The following SLC30A8 variants were observed in gnomAD, a reference collection of about 807,000 sequenced individuals.
SLC30A8 encodes the protein solute carrier family 30 member 8, also known as proton-coupled zinc antiporter SLC30A8.
A neutral mutation model predicts 36.9 loss-of-function variants in SLC30A8; 27 were observed. The ratio of observed to expected loss-of-function variants is 0.73; its 90% CI spans 0.54 to 1.01. The LOEUF (loss-of-function observed/expected upper bound fraction) is 1.01, where lower values mean the gene tolerates loss of function less well. SLC30A8 is among the 50% of genes least tolerant of loss of function. The probability of loss-of-function intolerance (pLI) is 0.00; values close to 1 mark genes in which losing one functional copy is unlikely to be tolerated. For missense variants in SLC30A8, 439 were observed against 452.0 expected, an observed-to-expected ratio of 0.97 and a Z score of 0.26; for synonymous variants, 164 against 172.4, an observed-to-expected ratio of 0.95 and a Z score of 0.38.
In SLC30A8 at chr8:116,971,213, G is replaced by A. The variant is rs191676640; in HGVS notation, c.-266+20094G>A. On this transcript the variant is annotated intron_variant, in intron 1 of 10. Transcript: ENST00000427715. Reference sequence around the variant, plus strand: ...TAGGTGCAGCAAACCACCATGGCACGTGTTTACCTATGTAGCAAACCTACA... The same window carrying A: ...TAGGTGCAGCAAACCACCATGGCACATGTTTACCTATGTAGCAAACCTACA... 2.3e-3 allele frequency among the ~76,000 whole-genome samples: 349 copies of A among 152,128 alleles called. 2 individuals are homozygous for A. Among genetic ancestry groups the A allele is most frequent in the African/African-American group, 8.0e-3 (333 of 41,490 alleles).
chr8:117,058,759 A>G (rs751166796), intron 2 of SLC30A8, among the ~76,000 whole-genome samples: 1 of 152,212 alleles, frequency 6.6e-6, no homozygotes, highest in African/African-American at 2.4e-5. Context: ...CACAAAAGTT[A>G]TATGAAATTA....
rs530012546 is a variant in SLC30A8 at position 116,976,579 on chromosome 8, C to T, written c.-266+25460C>T. On this transcript the variant is annotated intron_variant, in intron 1 of 10. Coordinates refer to the SLC30A8 transcript ENST00000427715. Reference sequence around the variant, plus strand: ...AATCTGTTGCCTAGAAGGGCATACTCTCCAACGTCTTCAGCTGGGGCTACA... The same window carrying T: ...AATCTGTTGCCTAGAAGGGCATACTTTCCAACGTCTTCAGCTGGGGCTACA... Among the ~76,000 whole-genome samples the T allele has an allele frequency of 2.6e-5, 4 of 152,260 alleles. No individual in the cohort carries two copies. The South Asian group carries it at 6.2e-4, about 24-fold the overall frequency.
chr8:117,143,519 G>A (rs1023199268), intron 1 of SLC30A8, among the ~76,000 whole-genome samples: 1 of 152,108 alleles, frequency 6.6e-6, no homozygotes, highest in Admixed American at 6.6e-5. Flanking sequence ...CTGATCAAGA[G>A]CCTGTTCTGC....
intron 2 of SLC30A8, among the ~76,000 whole-genome samples, chr8:117,081,546 G>A (rs553272208): frequency 7.7e-4 from 117 of 152,202 alleles, no homozygotes; most frequent in African/African-American, 2.6e-3. Flanking sequence ...TCATGTTGAG[G>A]CTAGGACTTC....
At chr8:117,063,267 C>G (rs1347524004) in intron 2 of SLC30A8, among the ~76,000 whole-genome samples, 1 of 152,126 alleles carries the variant, frequency 6.6e-6, no homozygotes, top group Non-Finnish European at 1.5e-5. Flanking sequence ...TGCTAAATCT[C>G]TCTTTTATCG....
Position 117,172,885 on chromosome 8 carries a change from G to T in SLC30A8, c.*204G>T, listed in dbSNP as rs184836570. ...AATCAATTGGATTATATACTGATCA[G>T]TAGCTGTGTTCAATTGCAGGAATGT... On this transcript the variant is annotated 3_prime_UTR_variant, in exon 8 of 8. Transcript: ENST00000456015. 79 of 606,978 alleles carry T rather than the reference G, an allele frequency of 1.3e-4. No homozygotes were observed. In the Admixed American group the frequency reaches 2.1e-3, roughly 16 times the overall value. The allele number at this position is 606,978 out of a possible 1,614,324, so 37.6% of individuals were successfully genotyped here.
chr8:117,074,163 C>T (rs1038206781), intron 2 of SLC30A8, among the ~76,000 whole-genome samples: 8 of 150,964 alleles, frequency 5.3e-5, no homozygotes, highest in Non-Finnish European at 8.9e-5. Flanking sequence ...AACGCATGCA[C>T]GTTTGTGTGT....
chr8:117,123,067 G>A (rs1820750202), intron 2 of SLC30A8, among the ~76,000 whole-genome samples: 1 of 151,930 alleles, frequency 6.6e-6, no homozygotes, highest in Non-Finnish European at 1.5e-5. Flanking sequence ...AATATTTGTT[G>A]AATGAATTAA....
At position 117,097,489 on chromosome 8, in the gene SLC30A8, A is replaced by T. The variant is rs1167600632; in HGVS notation, c.-225-37791A>T. ...TATTTTAAATAAATATATTTTAAAT[A>T]TATATTATATATAATATATAATTTT... On this transcript the variant is annotated intron_variant, in intron 2 of 10. Coordinates refer to the SLC30A8 transcript ENST00000427715. Among the ~76,000 whole-genome samples, 45 of 113,592 alleles carry T rather than the reference A, an allele frequency of 4.0e-4. No homozygotes were observed. The South Asian group carries it at 0.011, about 27-fold the overall frequency. The allele number at this position is 113,592 out of a possible 152,430, so 74.5% of individuals were successfully genotyped here.
intron 2 of SLC30A8, among the ~76,000 whole-genome samples, chr8:117,152,040 A>AG (rs1822214852): frequency 6.6e-6 from 1 of 152,170 alleles, no homozygotes; most frequent in South Asian, 2.1e-4. Flanking sequence ...AGGCGAGACA[A>AG]GGTGAGTCTG....
rs563447651 is a variant in SLC30A8 at position 116,993,018 on chromosome 8, T to TAGTAGCATGGTCTTAAAGAA, written c.-266+41901_-266+41920dup. Among the ~76,000 whole-genome samples, 58 of 152,234 alleles carry TAGTAGCATGGTCTTAAAGAA rather than the reference T, an allele frequency of 3.8e-4. 2 individuals carry two copies. In the South Asian group the frequency reaches 0.012, roughly 32 times the overall value. ...TCAGAGTGCCATGGTGGCTGAGACT[T>TAGTAGCATGGTCTTAAAGAA]AGTAGCATGGTCTTAAAGAAAACAT... On this transcript the variant is annotated intron_variant, in intron 1 of 10. Transcript: ENST00000427715.
chr8:117,065,631 G>C (rs916992912), intron 2 of SLC30A8, among the ~76,000 whole-genome samples: 1 of 151,904 alleles, frequency 6.6e-6, no homozygotes, highest in African/African-American at 2.4e-5. Flanking sequence ...GACTTTACAC[G>C]GTCTCTGTGG....
chr8:117,109,912 G>GT (rs894500644), intron 2 of SLC30A8, among the ~76,000 whole-genome samples: 23 of 152,138 alleles, frequency 1.5e-4, no homozygotes, highest in Non-Finnish European at 4.4e-5. Flanking sequence ...TGGCTTCACA[G>GT]AAGAGCCGGC....
intron 2 of SLC30A8, among the ~76,000 whole-genome samples, chr8:117,059,601 C>T (rs993626839): frequency 2.0e-5 from 3 of 152,158 alleles, no homozygotes; most frequent in Non-Finnish European, 2.9e-5. Flanking sequence ...GCACTTCAGG[C>T]AAAAGCCCAG....
At chr8:116,976,337 G>GA (rs1305425240) in intron 1 of SLC30A8, among the ~76,000 whole-genome samples, 1 of 151,468 alleles carries the variant, frequency 6.6e-6, no homozygotes, top group Non-Finnish European at 1.5e-5. Flanking sequence ...TGTGGAGTTG[G>GA]AAAAAGATGT....
chr8:117,039,867 A>C (rs916042665), intron 2 of SLC30A8, among the ~76,000 whole-genome samples: 1 of 152,094 alleles, frequency 6.6e-6, no homozygotes, highest in Non-Finnish European at 1.5e-5. Flanking sequence ...GCCATTTTTT[A>C]TAGCTTTTGA....
chr8:117,035,909 C>A (rs1209182741), intron 1 of SLC30A8, among the ~76,000 whole-genome samples: 2 of 152,164 alleles, frequency 1.3e-5, no homozygotes, highest in Admixed American at 6.5e-5. Flanking sequence ...ACTCAGGGTG[C>A]TATGTCCTAA....
chr8:117,018,538 C>A (rs537435353), intron 1 of SLC30A8, among the ~76,000 whole-genome samples: 2 of 152,210 alleles, frequency 1.3e-5, no homozygotes, highest in Non-Finnish European at 2.9e-5. Context: ...GCCTTGATAG[C>A]ACTGCTGTGT....
upstream of SLC30A8, chr8:116,950,541 G>A (rs1005730250): frequency 2.6e-5 from 4 of 152,172 alleles, no homozygotes; most frequent in African/African-American, 9.7e-5. Context: ...TTCCTAAGGC[G>A]TCTCAGGACT....
Sources: allele counts gnomAD v4.1 joint callset (sites outside exome capture counted in the v4.1 genomes callset), GRCh38; gene constraint gnomAD v4.1.1; transcripts MANE v1.5; gene names NCBI Gene and HGNC (gene_info 2026-07-23, HGNC 2026-07-21).